APBB2: variants seen among roughly 807,000 people sequenced by gnomAD.
APBB2 encodes amyloid beta precursor protein binding family B member 2, also known as Fe65-like 1.
Under a neutral mutation model 82.5 loss-of-function variants are expected in APBB2, and 38 were observed. The observed-to-expected ratio is 0.46, with a 90% CI of 0.36 to 0.60. The LOEUF (loss-of-function observed/expected upper bound fraction) is 0.60. Among genes scored for constraint, APBB2 ranks in the 20% least tolerant of loss-of-function variants. The probability of loss-of-function intolerance (pLI) is 0.00; values close to 1 mark genes in which losing one functional copy is unlikely to be tolerated. For synonymous variants in APBB2, 341 were observed against 368.2 expected (o/e 0.93, Z 0.85); for missense variants, 772 against 972.3 (o/e 0.79, Z 2.74).
chr4:40,900,853 T>C (rs2154356765), intron 10 of APBB2, among the ~76,000 whole-genome samples: 1 of 152,004 alleles, frequency 6.6e-6, no homozygotes, highest in East Asian at 1.9e-4. Context: ...ATTCATTCAT[T>C]CAACAAATAT....
intron 12 of APBB2, among the ~76,000 whole-genome samples, chr4:40,877,005 G>T (rs1767086026): frequency 6.6e-6 from 1 of 152,258 alleles, no homozygotes; most frequent in Non-Finnish European, 1.5e-5. Flanking sequence ...ACCACTATGG[G>T]TGGGGAGGAC....
intron 10 of APBB2, among the ~76,000 whole-genome samples, chr4:40,898,813 C>T (rs1774420528): frequency 6.7e-6 from 1 of 149,182 alleles, no homozygotes. Flanking sequence ...AGTGAGACTC[C>T]ATCTCAAAAA....
chr4:40,863,721 T>C (rs1413092152), intron 12 of APBB2, among the ~76,000 whole-genome samples: 6 of 151,390 alleles, frequency 4.0e-5, no homozygotes, highest in Non-Finnish European at 8.8e-5. Context: ...GGTGAAACCC[T>C]GTTTCTACGA....
intron 10 of APBB2, among the ~76,000 whole-genome samples, chr4:40,897,717 G>A (rs1455196666): frequency 6.6e-6 from 1 of 152,192 alleles, no homozygotes; most frequent in Non-Finnish European, 1.5e-5. Flanking sequence ...CTCCGCCCGA[G>A]GGGCCAGCTT....
chr4:41,091,510 T>A (rs1741683820), intron 3 of APBB2, among the ~76,000 whole-genome samples: 1 of 152,196 alleles, frequency 6.6e-6, no homozygotes, highest in African/African-American at 2.4e-5. Flanking sequence ...AACAAGACAC[T>A]GTGGCCTTTT....
At chr4:40,886,783 A>C (rs574073821) in intron 12 of APBB2, among the ~76,000 whole-genome samples, 1 of 152,244 alleles carries the variant, frequency 6.6e-6, no homozygotes, top group Admixed American at 6.5e-5. Context: ...TCCTTTGCAC[A>C]GCAGGCAGGA....
intron 4 of APBB2, among the ~76,000 whole-genome samples, chr4:41,045,304 G>C (rs1166615475): frequency 6.9e-6 from 1 of 144,638 alleles, no homozygotes; most frequent in Non-Finnish European, 1.5e-5. Context: ...GTTTTGTTTT[G>C]TTTTTTTGAG....
intron 4 of APBB2, among the ~76,000 whole-genome samples, chr4:41,064,224 C>T (rs375782453): frequency 5.9e-5 from 9 of 151,948 alleles, no homozygotes; most frequent in South Asian, 2.1e-4. Flanking sequence ...GTGATCCGCC[C>T]GCCTCATCCT....
intron 10 of APBB2, among the ~76,000 whole-genome samples, chr4:40,894,503 G>GT (rs2154353535): frequency 6.6e-6 from 1 of 152,270 alleles, no homozygotes; most frequent in African/African-American, 2.4e-5. Flanking sequence ...GAGAAGCAAG[G>GT]TGTTTTCTCT....
chr4:40,863,084 G>T (rs1196750562), intron 12 of APBB2, among the ~76,000 whole-genome samples: 2 of 152,164 alleles, frequency 1.3e-5, no homozygotes, highest in Non-Finnish European at 2.9e-5. Context: ...CTGGAGGATG[G>T]GATGCTGCAG....
At chr4:40,903,517 C>T (rs1277627871) in intron 10 of APBB2, among the ~76,000 whole-genome samples, 1 of 152,102 alleles carries the variant, frequency 6.6e-6, no homozygotes, top group African/African-American at 2.4e-5. Flanking sequence ...TTGATGTAAG[C>T]CCCCTTGATA....
chr4:40,829,775 T>C (rs1479726046), intron 13 of APBB2, among the ~76,000 whole-genome samples: 2 of 152,112 alleles, frequency 1.3e-5, no homozygotes, highest in African/African-American at 4.8e-5. Flanking sequence ...TTTGTTCTCA[T>C]TTTGAGGCTG....
chr4:41,125,437 G>A (rs1214041800), intron 2 of APBB2, among the ~76,000 whole-genome samples: 2 of 152,122 alleles, frequency 1.3e-5, no homozygotes, highest in Non-Finnish European at 2.9e-5. Flanking sequence ...TAAATATCCT[G>A]AGGTTGGGTG....
chr4:41,022,935 G>A (rs952485237), intron 5 of APBB2, among the ~76,000 whole-genome samples: 6 of 152,086 alleles, frequency 3.9e-5, no homozygotes, highest in South Asian at 2.1e-4. Context: ...GAGAAAGGGT[G>A]ATCAATGATC....
chr4:40,969,199 T>C (rs1795376422), intron 6 of APBB2, among the ~76,000 whole-genome samples: 1 of 152,200 alleles, frequency 6.6e-6, no homozygotes. Flanking sequence ...TAGAGACAAA[T>C]TATTCAGGGC....
Position 40,883,963 on chromosome 4 carries a change from T to C in APBB2, c.1529+6401A>G, listed in dbSNP as rs564425904. ...ATGGTGTGTCCACCTTTGCTTTCCA[T>C]TCACTCATGTGGTCTTATCTCTTCA... On this transcript the variant is annotated intron_variant, in intron 12 of 17. Transcript: ENST00000508593. Among the ~76,000 whole-genome samples the C allele has an allele frequency of 1.2e-3, 177 of 152,336 alleles. 1 individual carries two copies. The highest frequency in any genetic ancestry group is 4.1e-3 in the African/African-American group (171 of 41,582).
At chr4:41,015,345 A>G (rs926797407) in intron 5 of APBB2, among the ~76,000 whole-genome samples, 10 of 152,364 alleles carry the variant, frequency 6.6e-5, no homozygotes, top group East Asian at 1.9e-4. Context: ...AGATTTCTCA[A>G]TCTATGAGGA....
chr4:40,816,137 G>A lies in APBB2; in HGVS notation c.2235C>T (p.Leu745=), dbSNP rs576634338. Residue 745 remains leucine (L), a synonymous_variant, in exon 18 of 18, where the codon CTC becomes CTT. Coordinates refer to ENST00000508593, the MANE Select transcript of APBB2 (RefSeq NM_004307.2). The part of the protein sequence containing the change: ...TTNVKRGVLS[L]IDTLKQKRPV... Reference sequence around the variant, plus strand: ...GGCGTTTCTGTTTCAAAGTGTCAATGAGGGATAAGACCCCTCGTTTTACAT... The same window carrying A: ...GGCGTTTCTGTTTCAAAGTGTCAATAAGGGATAAGACCCCTCGTTTTACAT... 6 of 1,614,096 alleles carry A rather than the reference G, an allele frequency of 3.7e-6. No individual in the cohort carries two copies. The highest frequency in any genetic ancestry group is 4.5e-5 in the East Asian group (2 of 44,882).
At chr4:41,065,487 T>C (rs1731396732) in intron 4 of APBB2, 89 bp downstream of exon 4, 1 of 152,168 alleles carries the variant, frequency 6.6e-6, no homozygotes, top group African/African-American at 2.4e-5. Flanking sequence ...TTTAAACCTT[T>C]AAAGCTTTTA....
Sources: allele counts gnomAD v4.1 joint callset (sites outside exome capture counted in the v4.1 genomes callset), GRCh38; gene constraint gnomAD v4.1.1; transcripts MANE v1.5; gene names NCBI Gene and HGNC (gene_info 2026-07-23, HGNC 2026-07-21).